Variants in CAST observed in about 807,000 individuals in gnomAD.
The protein encoded by CAST is calpastatin.
CAST carries 76 observed loss-of-function variants against 119.6 expected under a neutral mutation model. The observed-to-expected ratio is 0.64, with a 90% CI of 0.53 to 0.77. The LOEUF (loss-of-function observed/expected upper bound fraction) is 0.77. CAST is among the 30% of genes least tolerant of loss of function. CAST has a pLI of 0.00. For synonymous variants in CAST, 319 were observed against 331.6 expected (o/e 0.96, Z 0.41); for missense variants, 953 against 946.5 (o/e 1.01, Z -0.09).
the CAST span, among the ~76,000 whole-genome samples, chr5:96,270,735 T>C: frequency 0.21 from 31,215 of 151,946 alleles, 3,952 homozygotes; most frequent in Non-Finnish European, 0.27. Context: ...AAGGAGAGCA[T>C]CAGGAAGAAC....
chr5:96,662,493 A>C lies in CAST; in HGVS notation c.71A>C (p.His24Pro). Residue 24 changes from histidine to proline, a missense_variant, in exon 1 of 32, where the codon CAT becomes CCT. His to Pro is a moderately conservative substitution (Grantham distance 77). Coordinates refer to ENST00000675179, the MANE Select transcript of CAST (RefSeq NM_001750.7). Reference sequence around the variant, plus strand: ...CGAGCAGCCGCCGCCCGCCGCACCCATGAGGTGAGTGGCGCTCCTGTCGGC... The same window carrying C: ...CGAGCAGCCGCCGCCCGCCGCACCCCTGAGGTGAGTGGCGCTCCTGTCGGC... ...PRRAAAARRT[H>P]EHVSEKTSES... 2.1e-6 allele frequency: 3 copies of C among 1,421,850 alleles called. No individual in the cohort carries two copies. Among genetic ancestry groups the C allele is most frequent in the African/African-American group, 1.5e-5 (1 of 66,578 alleles). 88.1% of individuals were successfully genotyped at this position (1,421,850 alleles called of 1,614,324 possible).
At chr5:96,627,320 C>G (rs1747742735) in intron 1 of CAST, among the ~76,000 whole-genome samples, 1 of 152,202 alleles carries the variant, frequency 6.6e-6, no homozygotes. Context: ...GTCTACAACT[C>G]TGCAGAAGGC....
the CAST span, among the ~76,000 whole-genome samples, chr5:96,394,494 G>T: frequency 6.6e-6 from 1 of 152,140 alleles, no homozygotes; most frequent in Non-Finnish European, 1.5e-5. Flanking sequence ...CTAGGTTATA[G>T]GGATTATAGG....
At chr5:96,111,141 A>G in the CAST span, 1 of 152,196 alleles carries the variant, frequency 6.6e-6, no homozygotes, top group East Asian at 1.9e-4. Flanking sequence ...CAAGTCTGAT[A>G]ATTTGCTATA....
rs74436680 is a variant in CAST, at chr5:96,754,593, T to A, written c.1627-65T>A. 7.7e-5 allele frequency: 72 copies of A among 940,190 alleles called. 1 individual carries two copies. The African/African-American group carries it at 1.0e-3, about 13-fold the overall frequency. 58.2% of individuals were successfully genotyped at this position (940,190 alleles called of 1,614,324 possible). On this transcript the variant is annotated intron_variant, in intron 21 of 31. Coordinates refer to ENST00000675179, the MANE Select transcript of CAST (RefSeq NM_001750.7). ...ATTTGTTTACCTCAAATCTAGTCAC[T>A]CAGGCATGAATTTTATGGAGAGAAA...
chr5:96,339,055 C>T, the CAST span, among the ~76,000 whole-genome samples: 1 of 152,116 alleles, frequency 6.6e-6, no homozygotes, highest in South Asian at 2.1e-4. Flanking sequence ...AGTAGCAAAA[C>T]ATATTTCCTA....
chr5:96,217,352 T>C, the CAST span, among the ~76,000 whole-genome samples: 3 of 149,296 alleles, frequency 2.0e-5, no homozygotes, highest in Non-Finnish European at 4.4e-5. Flanking sequence ...AATTAAATTT[T>C]TTTTTTTTAA....
chr5:96,171,552 G>A, the CAST span, among the ~76,000 whole-genome samples: 1 of 152,194 alleles, frequency 6.6e-6, no homozygotes, highest in Non-Finnish European at 1.5e-5. Context: ...ATGAAACGTG[G>A]GTGAATAATC....
chr5:96,290,493 A>G, the CAST span, among the ~76,000 whole-genome samples: 1 of 152,136 alleles, frequency 6.6e-6, no homozygotes, highest in Non-Finnish European at 1.5e-5. Context: ...ACTCATCCAC[A>G]TTGTTTTTTA....
the CAST span, among the ~76,000 whole-genome samples, chr5:96,469,576 T>C: frequency 6.6e-6 from 1 of 151,926 alleles, no homozygotes; most frequent in Admixed American, 6.6e-5. Flanking sequence ...AGGGGTCAAT[T>C]ACAAACTGAC....
chr5:96,689,729 C>A (rs1350640919), intron 2 of CAST, among the ~76,000 whole-genome samples: 2 of 152,176 alleles, frequency 1.3e-5, no homozygotes, highest in Admixed American at 1.3e-4. Flanking sequence ...AGAGTCTGTG[C>A]TTTTAACTAG....
chr5:96,151,122 C>T, the CAST span, among the ~76,000 whole-genome samples: 1 of 152,062 alleles, frequency 6.6e-6, no homozygotes, highest in Non-Finnish European at 1.5e-5. Flanking sequence ...TTAAAATCAC[C>T]CTAGAAAACA....
intron 5 of CAST, among the ~76,000 whole-genome samples, chr5:96,727,220 C>A (rs1441112918): frequency 6.6e-6 from 1 of 152,182 alleles, no homozygotes; most frequent in Non-Finnish European, 1.5e-5. Context: ...AGTAATAAAT[C>A]TTTACATATC....
chr5:96,563,988 G>A (rs1289609988), intron 1 of CAST, among the ~76,000 whole-genome samples: 1 of 152,194 alleles, frequency 6.6e-6, no homozygotes, highest in Non-Finnish European at 1.5e-5. Context: ...GCTATGCACT[G>A]ACACAGGCTC....
chr5:96,769,115 T>A (rs1343839995), intron 29 of CAST: 2 of 152,200 alleles, frequency 1.3e-5, no homozygotes, highest in African/African-American at 4.8e-5. Flanking sequence ...AATGAGTACC[T>A]CCTTGTTATT....
the CAST span, among the ~76,000 whole-genome samples, chr5:96,424,579 A>T: frequency 2.0e-5 from 3 of 152,240 alleles, no homozygotes; most frequent in African/African-American, 7.2e-5. Context: ...ATTAATTCAT[A>T]TCAAACATTT....
the CAST span, among the ~76,000 whole-genome samples, chr5:96,106,014 T>A: frequency 6.6e-6 from 1 of 152,234 alleles, no homozygotes; most frequent in East Asian, 1.9e-4. Flanking sequence ...TTTTGTAGTT[T>A]ATTTGCGTAG....
At chr5:96,035,093 GTA>G in the CAST span, among the ~76,000 whole-genome samples, 3 of 127,300 alleles carry the variant, frequency 2.4e-5, no homozygotes, top group Non-Finnish European at 4.9e-5. Flanking sequence ...ATATATTTAA[GTA>G]TATATATACT....
chr5:96,120,739 T>TAA, the CAST span, among the ~76,000 whole-genome samples: 4,142 of 148,092 alleles, frequency 0.028, 178 homozygotes, highest in African/African-American at 0.096. Flanking sequence ...TACATATATA[T>TAA]AATAATATAC....
Sources: gnomAD v4.1 joint callset for allele counts (sites outside exome capture counted in the v4.1 genomes callset) on GRCh38, gnomAD v4.1.1 for gene constraint, MANE v1.5 for transcripts, NCBI Gene and HGNC (gene_info 2026-07-23, HGNC 2026-07-21) for gene names.